SLX4IP: variants seen among roughly 807,000 people sequenced by gnomAD.
The protein encoded by SLX4IP is protein SLX4IP.
Under a neutral mutation model 32.9 loss-of-function variants are expected in SLX4IP, and 34 were observed. The observed-to-expected ratio is 1.03, with a 90% confidence interval of 0.79 to 1.38. The LOEUF is 1.38. SLX4IP is among the 40% of genes most tolerant of loss of function. The pLI, the probability that SLX4IP is intolerant of heterozygous loss-of-function variation, is 0.00. For missense variants in SLX4IP, 444 were observed against 479.0 expected, an observed-to-expected ratio of 0.93 and a Z score of 0.68; for synonymous variants, 172 against 171.7, an observed-to-expected ratio of 1.00 and a Z score of -0.01.
chr20:10,479,507 C>T (rs225153), intron 2 of SLX4IP, among the ~76,000 whole-genome samples: 276 of 151,698 alleles, frequency 1.8e-3, no homozygotes, highest in African/African-American at 6.3e-3. Context: ...CGTGCACCAC[C>T]ACGCTCAGCT....
intron 1 of SLX4IP, among the ~76,000 whole-genome samples, chr20:10,445,035 C>T (rs1163973916): frequency 4.6e-5 from 7 of 152,258 alleles, no homozygotes; most frequent in African/African-American, 1.7e-4. Context: ...CACAGATTCT[C>T]CGTCAATTCT....
At chr20:10,518,400 T>TCC (rs2065869092) in intron 2 of SLX4IP, among the ~76,000 whole-genome samples, 1 of 108,550 alleles carries the variant, frequency 9.2e-6, no homozygotes, top group Non-Finnish European at 1.9e-5. Context: ...CCTTTCTTTC[T>TCC]TTCTTTCCTT....
At chr20:10,526,360 GTA>G (rs1381487576) in intron 2 of SLX4IP, among the ~76,000 whole-genome samples, 3 of 152,196 alleles carry the variant, frequency 2.0e-5, no homozygotes, top group Non-Finnish European at 4.4e-5. Flanking sequence ...TTAGGCAGGT[GTA>G]TGAGAATCAT....
intron 2 of SLX4IP, among the ~76,000 whole-genome samples, chr20:10,460,045 A>G (rs1600893869): frequency 6.6e-6 from 1 of 152,106 alleles, no homozygotes. Context: ...TATAAATTTC[A>G]TTGCTTTCAG....
At chr20:10,473,428 G>C (rs533933239) in intron 2 of SLX4IP, among the ~76,000 whole-genome samples, 53 of 152,174 alleles carry the variant, frequency 3.5e-4, no homozygotes, top group Non-Finnish European at 6.3e-4. Context: ...AAAAGGATTC[G>C]TATAAAGTGT....
rs538016309 is a variant in SLX4IP at position 10,529,276 on chromosome 20, T to C, written c.28-26955T>C. 2.0e-5 allele frequency among the ~76,000 whole-genome samples: 3 copies of C among 152,232 alleles called. No individual in the cohort carries two copies. The South Asian group carries it at 6.2e-4, about 32-fold the overall frequency. On this transcript the variant is annotated intron_variant, in intron 2 of 7. Coordinates refer to ENST00000334534, the MANE Select transcript of SLX4IP (RefSeq NM_001009608.3). ...CCTTGTGGCTAATGATAAAACAAGA[T>C]AAAATAAATGGCATTTTAAAAGTGA...
chr20:10,515,465 CAGAA>C (rs1275942574), intron 2 of SLX4IP, among the ~76,000 whole-genome samples: 2 of 152,074 alleles, frequency 1.3e-5, no homozygotes, highest in Admixed American at 1.3e-4. Flanking sequence ...TTCCAAAGCT[CAGAA>C]AGAAAGTATT....
chr20:10,485,030 G>A (rs539366568), intron 2 of SLX4IP, among the ~76,000 whole-genome samples: 74 of 152,204 alleles, frequency 4.9e-4, no homozygotes, highest in Non-Finnish European at 7.8e-4. Flanking sequence ...GGAGACCTGG[G>A]AAACAGAGTT....
chr20:10,531,350 T>G (rs2065987859), intron 2 of SLX4IP, among the ~76,000 whole-genome samples: 1 of 152,252 alleles, frequency 6.6e-6, no homozygotes, highest in Non-Finnish European at 1.5e-5. Flanking sequence ...AGGTATATCT[T>G]GTGGACCAAC....
At chr20:10,502,354 A>G (rs1451885658) in intron 2 of SLX4IP, among the ~76,000 whole-genome samples, 1 of 152,164 alleles carries the variant, frequency 6.6e-6, no homozygotes, top group East Asian at 1.9e-4. Flanking sequence ...GTGAAACACC[A>G]GTCAGATCCC....
At chr20:10,608,094 C>T (rs113036002) in intron 6 of SLX4IP, among the ~76,000 whole-genome samples, 10 of 152,270 alleles carry the variant, frequency 6.6e-5, no homozygotes, top group Admixed American at 5.2e-4. Flanking sequence ...GTATCTTTGC[C>T]TGTGCAGAGG....
intron 6 of SLX4IP, among the ~76,000 whole-genome samples, chr20:10,616,558 CCT>C (rs1420844036): frequency 6.6e-6 from 1 of 152,034 alleles, no homozygotes; most frequent in African/African-American, 2.4e-5. Flanking sequence ...CACACACACC[CCT>C]CTTTCCTGCT....
chr20:10,467,804 T>A (rs558489372), intron 2 of SLX4IP, among the ~76,000 whole-genome samples: 10 of 152,230 alleles, frequency 6.6e-5, no homozygotes, highest in Non-Finnish European at 1.3e-4. Context: ...CTGTAAGGCA[T>A]CTGCTCTGAG....
chr20:10,486,740 A>T (rs1328422125), intron 2 of SLX4IP, among the ~76,000 whole-genome samples: 1 of 152,222 alleles, frequency 6.6e-6, no homozygotes, highest in East Asian at 1.9e-4. Context: ...TGTTTACAAA[A>T]TTTTAAATTC....
intron 1 of SLX4IP, among the ~76,000 whole-genome samples, chr20:10,443,889 G>T (rs936062218): frequency 6.6e-6 from 1 of 152,106 alleles, no homozygotes; most frequent in African/African-American, 2.4e-5. Flanking sequence ...AGTCATGTAG[G>T]ATGTGCCTGC....
rs1201632235 is a variant in SLX4IP, at chr20:10,626,552, C to T, written c.*3173C>T. The T allele has an allele frequency of 6.6e-6, 1 of 152,158 alleles. No homozygotes were observed. Among genetic ancestry groups the T allele is most frequent in the East Asian group, 1.9e-4 (1 of 5,192 alleles). The allele number at this position is 152,158 out of a possible 1,614,324, so 9.4% of individuals were successfully genotyped here. A position where few individuals can be genotyped will look rare whatever the true frequency, so the allele number is the denominator to read the frequency against. On this transcript the variant is annotated 3_prime_UTR_variant, in exon 8 of 8. Transcript: ENST00000334534. ...CTTTCTCAGCGGCATAGATTCTAAG[C>T]CACTTCCATGTGCTTTCAGATGGCA...
rs190243373 is a variant in SLX4IP, at chr20:10,484,960, T to C, written c.27+26729T>C. 2.4e-3 allele frequency among the ~76,000 whole-genome samples: 369 copies of C among 151,818 alleles called. 1 individual carries two copies. The highest frequency in any genetic ancestry group is 2.0e-3 in the Non-Finnish European group (133 of 67,948). On this transcript the variant is annotated intron_variant, in intron 2 of 7. Coordinates refer to ENST00000334534, the MANE Select transcript of SLX4IP (RefSeq NM_001009608.3). ...GGGAGAGTGCACTCAGAAATGAAGG[T>C]AGAAATGAAGATGGCTTGAATGGGG...
chr20:10,474,542 T>C (rs2065457130), intron 2 of SLX4IP, among the ~76,000 whole-genome samples: 1 of 152,184 alleles, frequency 6.6e-6, no homozygotes, highest in African/African-American at 2.4e-5. Context: ...CATTTACATC[T>C]CTGTGGAGTT....
intron 6 of SLX4IP, among the ~76,000 whole-genome samples, chr20:10,618,313 C>G (rs2067063370): frequency 6.6e-6 from 1 of 152,162 alleles, no homozygotes; most frequent in Non-Finnish European, 1.5e-5. Flanking sequence ...GGGCTTTGCC[C>G]TATTTCTGTT....
Sources: allele counts gnomAD v4.1 joint callset (sites outside exome capture counted in the v4.1 genomes callset), GRCh38; gene constraint gnomAD v4.1.1; transcripts MANE v1.5; gene names NCBI Gene and HGNC (gene_info 2026-07-23, HGNC 2026-07-21).